LPIN2: variants seen among roughly 807,000 people sequenced by gnomAD.
LPIN2 encodes the protein lipin 2.
In LPIN2, 55 loss-of-function variants were observed where a neutral mutation model predicts 111.4. The ratio of observed to expected loss-of-function variants is 0.49; its 90% CI spans 0.40 to 0.62. The LOEUF (loss-of-function observed/expected upper bound fraction) is 0.62, where lower values mean the gene tolerates loss of function less well. Ranked by LOEUF, LPIN2 falls within the 20% of genes least tolerant of loss-of-function variation. The pLI is 0.00. For synonymous variants in LPIN2, 425 were observed against 414.0 expected, an observed-to-expected ratio of 1.03 and a Z score of -0.32; for missense variants, 992 against 1,112.1, an observed-to-expected ratio of 0.89 and a Z score of 1.54.
chr18:2,929,167 T>C lies in LPIN2; in HGVS notation c.1457-9A>G. 6.6e-7 allele frequency: 1 copy of C among 1,520,308 alleles called. No individual in the cohort carries two copies. The highest frequency in any genetic ancestry group is 9.1e-7 in the Non-Finnish European group (1 of 1,094,880). 94.2% of individuals were successfully genotyped at this position (1,520,308 alleles called of 1,614,324 possible). A position where few individuals can be genotyped will look rare whatever the true frequency, so the allele number is the denominator to read the frequency against. The stretch of plus-strand genomic sequence containing the variant: ...ATGCTCCATGAATTTTTCTGCAATG[T>C]AAAATAATAATCAATTTGGTTAGAG... On this transcript the variant is annotated splice_polypyrimidine_tract_variant and intron_variant, in intron 9 of 19. Transcript: ENST00000677752.
intron 1 of LPIN2, among the ~76,000 whole-genome samples, chr18:3,010,558 A>C (rs1427075887): frequency 1.3e-5 from 2 of 152,196 alleles, no homozygotes; most frequent in African/African-American, 4.8e-5. Flanking sequence ...ACTGCCTACC[A>C]ATCTGGCACG....
At chr18:2,991,930 C>T (rs1464414664) in intron 1 of LPIN2, among the ~76,000 whole-genome samples, 1 of 151,336 alleles carries the variant, frequency 6.6e-6, no homozygotes, top group Non-Finnish European at 1.5e-5. Flanking sequence ...AACTGCCGAA[C>T]ACAGGAGGCA....
intron 1 of LPIN2, among the ~76,000 whole-genome samples, chr18:2,981,634 A>G (rs1036519377): frequency 2.0e-5 from 3 of 152,168 alleles, no homozygotes; most frequent in African/African-American, 7.2e-5. Flanking sequence ...ATGTGTATAC[A>G]TTCTATAATA....
rs553009348 is a variant in LPIN2 at position 3,006,754 on chromosome 18, A to G, written c.-10+6333T>C. Among the ~76,000 whole-genome samples, 98 of 151,870 alleles carry G rather than the reference A, an allele frequency of 6.5e-4. No individual in the cohort carries two copies. The South Asian group carries it at 9.8e-3, about 15-fold the overall frequency. On this transcript the variant is annotated intron_variant, in intron 1 of 19. Transcript: ENST00000677752. ...CAGGAGGCTGAGGCAGGAGAATGGCATGAACCCGGGAGGCGGAGCTTGCAG... is the reference window on the plus strand; with the variant it reads ...CAGGAGGCTGAGGCAGGAGAATGGCGTGAACCCGGGAGGCGGAGCTTGCAG...
At chr18:2,926,853 A>G (rs2077139959) in intron 12 of LPIN2, 48 bp from the exon 13 acceptor site, 2 of 1,478,812 alleles carry the variant, frequency 1.4e-6, no homozygotes, top group Non-Finnish European at 1.9e-6. Flanking sequence ...TTCCCTACAG[A>G]TAAGCCAAGT....
intron 4 of LPIN2, among the ~76,000 whole-genome samples, chr18:2,941,414 CTGA>C (rs1298845882): frequency 3.3e-5 from 5 of 152,174 alleles, no homozygotes; most frequent in African/African-American, 7.2e-5. Flanking sequence ...TACACTACTG[CTGA>C]TAAGATTTTA....
Position 2,951,248 on chromosome 18 carries a change from G to C in LPIN2, c.397C>G (p.Gln133Glu). The change falls in exon 4 of 20, where the codon CAG (glutamine) becomes GAG (glutamate). Residue 133 changes from glutamine to glutamate, a missense_variant. By Grantham distance (29) the Gln-to-Glu change is conservative. This residue lies in a region of LPIN2 where 709 missense variants were observed against 753.2 expected (regional missense o/e 0.94). Coordinates refer to ENST00000677752, the MANE Select transcript of LPIN2 (RefSeq NM_001375808.2). ...AAGACGTGTGAGATGTCTGAACTCT[G>C]AGATGGTGTTTCATCTCCACCCGAT... ...VKSGGDETPS[Q>E]SSDISHVLET... The C allele has an allele frequency of 6.2e-7, 1 of 1,614,072 alleles. No individual in the cohort carries two copies. Among genetic ancestry groups the C allele is most frequent in the African/African-American group, 1.3e-5 (1 of 75,012 alleles).
intron 1 of LPIN2, among the ~76,000 whole-genome samples, chr18:2,993,743 C>T (rs2078300696): frequency 6.6e-6 from 1 of 152,210 alleles, no homozygotes; most frequent in Non-Finnish European, 1.5e-5. Flanking sequence ...AGCTTCTAAA[C>T]ATCTAGAAGT....
At chr18:2,946,463 G>T in intron 4 of LPIN2, 1 of 1,485,554 alleles carries the variant, frequency 6.7e-7, no homozygotes, top group Non-Finnish European at 9.4e-7. Flanking sequence ...TGGGTGATAT[G>T]TGCAAGCATC....
rs757342523 is a variant in LPIN2, at chr18:2,960,864, A to C, written c.-9-15T>G. The stretch of plus-strand genomic sequence containing the variant: ...ATGGTTTGAGACTACAAGAAACAAA[A>C]ATTAGATGAGATGTTAACACTAAAT... On this transcript the variant is annotated splice_polypyrimidine_tract_variant and intron_variant, in intron 1 of 19. Coordinates refer to ENST00000677752, the MANE Select transcript of LPIN2 (RefSeq NM_001375808.2). 22 of 1,603,446 alleles carry C rather than the reference A, an allele frequency of 1.4e-5. No individual in the cohort carries two copies. Among genetic ancestry groups the C allele is most frequent in the Non-Finnish European group, 1.7e-5 (20 of 1,172,854 alleles).
In LPIN2 at chr18:2,918,669, G is replaced by GA. The variant is rs2077005209; in HGVS notation, c.*1623dup. On this transcript the variant is annotated 3_prime_UTR_variant, in exon 20 of 20. Coordinates refer to ENST00000677752, the MANE Select transcript of LPIN2 (RefSeq NM_001375808.2). ...GAGCCTTCCTAGGTTTTGCCACTGA[G>GA]AACTGTGTTTAGGGGATTTCAACAT... 1 of 152,196 alleles carries GA rather than the reference G, an allele frequency of 6.6e-6. No homozygotes were observed. The highest frequency in any genetic ancestry group is 6.5e-5 in the Admixed American group (1 of 15,286). The allele number at this position is 152,196 out of a possible 1,614,324, so 9.4% of individuals were successfully genotyped here.
rs535177591 is a variant in LPIN2, at chr18:2,960,841, G to A, written c.-1C>T. The A allele has an allele frequency of 5.6e-6, 9 of 1,613,394 alleles. No homozygotes were observed. The Admixed American group carries it at 1.2e-4, about 21-fold the overall frequency. On this transcript the variant is annotated 5_prime_UTR_variant, in exon 2 of 20. Transcript: ENST00000677752. The stretch of plus-strand genomic sequence containing the variant: ...CAGCCAGCTGTCCCACATAATTCAT[G>A]GTTTGAGACTACAAGAAACAAAAAT...
Position 2,951,093 on chromosome 18 carries a change from G to A in LPIN2, c.552C>T (p.Gly184=), listed in dbSNP as rs142048129. 7.1e-5 allele frequency: 114 copies of A among 1,614,144 alleles called. No individual in the cohort carries two copies. In the African/African-American group the frequency reaches 9.3e-4, roughly 13 times the overall value. Residue 184 remains glycine (G), a synonymous_variant, in exon 4 of 20, where the codon GGC becomes GGT. Transcript: ENST00000677752. ...CCCCCTTGTCATCATCGGAGCTCAC[G>A]CCTACATCACATGTGTCTTCTGCAG... ...SAAAEDTCDV[G]VSSDDDKGAQ...
intron 2 of LPIN2, among the ~76,000 whole-genome samples, chr18:2,954,908 C>T (rs1427962057): frequency 1.3e-5 from 2 of 152,160 alleles, no homozygotes; most frequent in African/African-American, 4.8e-5. Flanking sequence ...CATTTGCACA[C>T]TTTCCAAGTT....
At chr18:2,950,767 G>A (rs1027810079) in intron 4 of LPIN2, 9 of 452,440 alleles carry the variant, frequency 2.0e-5, no homozygotes, top group African/African-American at 1.6e-4. Context: ...TCACCGAGGG[G>A]CAAATCACTA....
Position 2,987,134 on chromosome 18 carries a change from C to T in LPIN2, c.-10+25953G>A, listed in dbSNP as rs539006736. ...TTATATCACCCCCATTTCATTCAAA[C>T]TCAAAAAATCCTGTTGAAATGCAAG... On this transcript the variant is annotated intron_variant, in intron 1 of 19. Coordinates refer to ENST00000677752, the MANE Select transcript of LPIN2 (RefSeq NM_001375808.2). 8.5e-5 allele frequency among the ~76,000 whole-genome samples: 13 copies of T among 152,306 alleles called. No homozygotes were observed. In the South Asian group the frequency reaches 1.9e-3, roughly 22 times the overall value.
intron 1 of LPIN2, among the ~76,000 whole-genome samples, chr18:2,989,919 C>CA (rs35487621): frequency 0.033 from 4,058 of 124,036 alleles, 158 homozygotes; most frequent in African/African-American, 0.11. Context: ...GACTCTGTCT[C>CA]AAAAAAAAAA....
chr18:2,948,789 A>G (rs2077492715), intron 4 of LPIN2, among the ~76,000 whole-genome samples: 1 of 152,132 alleles, frequency 6.6e-6, no homozygotes, highest in South Asian at 2.1e-4. Flanking sequence ...GCATAAGACA[A>G]AACTTTTAAA....
At chr18:3,001,761 T>TA (rs1173782966) in intron 1 of LPIN2, among the ~76,000 whole-genome samples, 8 of 152,156 alleles carry the variant, frequency 5.3e-5, no homozygotes, top group African/African-American at 1.7e-4. Flanking sequence ...AACCTCACAG[T>TA]ACTATGTACT....
Sources: gnomAD v4.1 joint callset for allele counts (sites outside exome capture counted in the v4.1 genomes callset) on GRCh38, gnomAD v4.1.1 for gene constraint, gnomAD v4.1.1 regional missense constraint, MANE v1.5 for transcripts, NCBI Gene and HGNC (gene_info 2026-07-23, HGNC 2026-07-21) for gene names.